Variants in ADAMTSL1 observed in about 807,000 individuals in gnomAD.
ADAMTSL1 encodes ADAMTS-like protein 1.
ADAMTSL1 carries 126 observed loss-of-function variants against 201.8 expected under a neutral mutation model. The ratio of observed to expected loss-of-function variants is 0.62; its 90% CI spans 0.54 to 0.72. The LOEUF (loss-of-function observed/expected upper bound fraction) is 0.72. ADAMTSL1 is among the 30% of genes least tolerant of loss of function. The probability of loss-of-function intolerance (pLI) is 0.00; values close to 1 mark genes in which losing one functional copy is unlikely to be tolerated. For missense variants in ADAMTSL1, 2,679 were observed against 2,277.8 expected, an observed-to-expected ratio of 1.18 and a Z score of -3.59; for synonymous variants, 1,121 against 903.4, an observed-to-expected ratio of 1.24 and a Z score of -4.32.
intron 3 of ADAMTSL1, among the ~76,000 whole-genome samples, chr9:18,570,282 A>G (rs577767163): frequency 6.2e-4 from 94 of 152,178 alleles, no homozygotes; most frequent in African/African-American, 2.2e-3. Flanking sequence ...TAATGGTTTC[A>G]TGGACCAATT....
chr9:18,820,412 A>G (rs1824139026), intron 21 of ADAMTSL1, among the ~76,000 whole-genome samples: 1 of 152,242 alleles, frequency 6.6e-6, no homozygotes, highest in East Asian at 1.9e-4. Context: ...TAGAAAACAC[A>G]GAAAAATTTA....
At chr9:18,671,566 A>G (rs1192879522) in intron 9 of ADAMTSL1, among the ~76,000 whole-genome samples, 1 of 152,100 alleles carries the variant, frequency 6.6e-6, no homozygotes, top group Non-Finnish European at 1.5e-5. Context: ...ATAACAGGAG[A>G]AGAAGCAAGG....
chr9:17,947,007 A>G (rs945041061), intron 1 of ADAMTSL1, among the ~76,000 whole-genome samples: 2 of 152,092 alleles, frequency 1.3e-5, no homozygotes, highest in African/African-American at 2.4e-5. Context: ...CTAAAATCCA[A>G]CTGATGATAA....
rs1820257287 is a variant in ADAMTSL1, at chr9:18,016,254, T to C, written c.87+109332T>C. ...ACTCAAGTATCTGTGAATACCAGAG[T>C]ACCCAGCTCCTAGCTGTCCTTACAG... On this transcript the variant is annotated intron_variant, in intron 1 of 29. Transcript: ENST00000680146. Among the ~76,000 whole-genome samples the C allele has an allele frequency of 2.0e-5, 3 of 152,034 alleles. No homozygotes were observed. The South Asian group carries it at 6.2e-4, about 32-fold the overall frequency.
intron 8 of ADAMTSL1, among the ~76,000 whole-genome samples, chr9:18,657,973 CTT>C (rs33924965): frequency 0.43 from 54,292 of 125,790 alleles, 10,004 homozygotes; most frequent in East Asian, 0.58. Context: ...AGGAAACAGT[CTT>C]TTTTTTTTTT....
intron 13 of ADAMTSL1, 23 bp downstream of exon 13, chr9:18,684,823 G>A: frequency 1.3e-6 from 2 of 1,594,492 alleles, no homozygotes; most frequent in East Asian, 2.2e-5. Flanking sequence ...AGCACAGACT[G>A]TTCTATATTT....
intron 1 of ADAMTSL1, among the ~76,000 whole-genome samples, chr9:18,160,408 C>G (rs1029317680): frequency 2.0e-5 from 3 of 151,928 alleles, no homozygotes; most frequent in Non-Finnish European, 4.4e-5. Context: ...ACTCTCTGGC[C>G]CCTAATCCTA....
At chr9:17,993,080 C>G (rs1016154462) in intron 1 of ADAMTSL1, among the ~76,000 whole-genome samples, 2 of 152,080 alleles carry the variant, frequency 1.3e-5, no homozygotes, top group African/African-American at 2.4e-5. Flanking sequence ...ATGACAGAGA[C>G]AAATAATACA....
At chr9:18,439,247 G>A (rs1229195210) in intron 2 of ADAMTSL1, among the ~76,000 whole-genome samples, 1 of 152,176 alleles carries the variant, frequency 6.6e-6, no homozygotes, top group African/African-American at 2.4e-5. Flanking sequence ...ATGTGTTCCA[G>A]TAAGGCATTA....
chr9:18,906,193 A>C (rs920633144), intron 27 of ADAMTSL1, among the ~76,000 whole-genome samples: 12 of 152,134 alleles, frequency 7.9e-5, no homozygotes, highest in Admixed American at 7.2e-4. Flanking sequence ...GGTGGTCAGG[A>C]GGTGAGGTCT....
chr9:18,874,388 G>C (rs1828023324), intron 23 of ADAMTSL1, among the ~76,000 whole-genome samples: 1 of 151,830 alleles, frequency 6.6e-6, no homozygotes, highest in African/African-American at 2.4e-5. Context: ...TTCTCAGGGA[G>C]AACTTTTCCC....
At chr9:18,702,352 T>A (rs1831973373) in intron 13 of ADAMTSL1, among the ~76,000 whole-genome samples, 1 of 152,100 alleles carries the variant, frequency 6.6e-6, no homozygotes. Context: ...CAACCAAGAG[T>A]AAGTTGTTTT....
rs538275928 is a variant in ADAMTSL1 at position 17,917,542 on chromosome 9, C to T, written c.87+10620C>T. 4.9e-4 allele frequency among the ~76,000 whole-genome samples: 75 copies of T among 151,920 alleles called. 1 individual carries two copies. Among genetic ancestry groups the T allele is most frequent in the Non-Finnish European group, 9.6e-4 (65 of 67,860 alleles). On this transcript the variant is annotated intron_variant, in intron 1 of 29. Coordinates refer to the ADAMTSL1 transcript ENST00000680146. ...ACCTACCTTGCATTCTTGGAATAAG[C>T]CCAAATTGATCATAATATTATTTTT...
In ADAMTSL1 at chr9:17,944,398, T is replaced by C. The variant is rs1158156181; in HGVS notation, c.87+37476T>C. 4.3e-4 allele frequency among the ~76,000 whole-genome samples: 65 copies of C among 151,864 alleles called. 2 individuals are homozygous for C. The highest frequency in any genetic ancestry group is 4.2e-3 in the Admixed American group (64 of 15,230). The stretch of plus-strand genomic sequence containing the variant: ...AAAATGGCCATACTGCCCAAGGTAA[T>C]TTATAGATTCAATGCCATCCCCATC... On this transcript the variant is annotated intron_variant, in intron 1 of 29. Transcript: ENST00000680146.
In ADAMTSL1 at chr9:18,770,733, C is replaced by T. The variant is rs1030679211; in HGVS notation, c.2349C>T (p.Cys783=). 2 of 1,613,798 alleles carry T rather than the reference C, an allele frequency of 1.2e-6. No individual in the cohort carries two copies. Among genetic ancestry groups the T allele is most frequent in the African/African-American group, 1.3e-5 (1 of 75,000 alleles). Residue 783 remains cysteine, a synonymous_variant, in exon 17 of 29, where the codon TGC becomes TGT. Transcript: ENST00000380548. ...CAAAACCTGCCTGCCAGCAAGCATG[C>T]AAGAAAGATGACTGTCCCAGCGAGT... is the stretch of plus-strand genomic sequence containing the variant. ...SASKPACQQA[C]KKDDCPSEWL...
chr9:18,723,801 A>G (rs1817695988), intron 15 of ADAMTSL1: 1 of 152,304 alleles, frequency 6.6e-6, no homozygotes. Context: ...CCTAAAAATG[A>G]TAATTGTATA....
intron 2 of ADAMTSL1, among the ~76,000 whole-genome samples, chr9:18,227,403 A>G (rs900516616): frequency 2.6e-5 from 4 of 152,194 alleles, no homozygotes; most frequent in African/African-American, 9.7e-5. Flanking sequence ...TGATAATGCT[A>G]CAGTAGAGGT....
At chr9:18,908,388 T>C (rs924853200) in intron 28 of ADAMTSL1, 54 bp from the exon 29 acceptor site, 3 of 1,451,430 alleles carry the variant, frequency 2.1e-6, no homozygotes, top group South Asian at 2.4e-5. Flanking sequence ...TTCATTAGTC[T>C]CTGTTTCACA....
At chr9:18,023,094 A>G (rs555099332) in intron 1 of ADAMTSL1, among the ~76,000 whole-genome samples, 1 of 152,104 alleles carries the variant, frequency 6.6e-6, no homozygotes, top group Non-Finnish European at 1.5e-5. Context: ...TCCTGAAAGT[A>G]CTTCCAAAAT....
Sources: gnomAD v4.1 joint callset for allele counts (sites outside exome capture counted in the v4.1 genomes callset) on GRCh38, gnomAD v4.1.1 for gene constraint, MANE v1.5 for transcripts, NCBI Gene and HGNC (gene_info 2026-07-23, HGNC 2026-07-21) for gene names.